The following MKLN1 variants were observed in gnomAD, a reference collection of about 807,000 sequenced individuals.
MKLN1 encodes the protein muskelin 1.
A neutral mutation model predicts 99.0 loss-of-function variants in MKLN1; 18 were observed. The observed-to-expected ratio is 0.18, with a 90% CI of 0.13 to 0.27. The LOEUF is 0.27. MKLN1 is among the 10% of genes least tolerant of loss of function. The pLI is 1.00. For missense variants in MKLN1, 621 were observed against 875.9 expected, an observed-to-expected ratio of 0.71 and a Z score of 3.67; for synonymous variants, 288 against 293.2, an observed-to-expected ratio of 0.98 and a Z score of 0.18.
At chr7:131,240,176 G>A (rs1797381175) in intron 3 of MKLN1, among the ~76,000 whole-genome samples, 1 of 152,046 alleles carries the variant, frequency 6.6e-6, no homozygotes, top group South Asian at 2.1e-4. Flanking sequence ...GCAAGATCCT[G>A]TCACAAACAA....
At chr7:131,178,921 T>C (rs1430401915) in intron 2 of MKLN1, among the ~76,000 whole-genome samples, 1 of 152,202 alleles carries the variant, frequency 6.6e-6, no homozygotes, top group East Asian at 1.9e-4. Flanking sequence ...TTTTATTCTT[T>C]CCATTTTATT....
chr7:131,233,306 G>C (rs1263037418), intron 3 of MKLN1, among the ~76,000 whole-genome samples: 1 of 151,780 alleles, frequency 6.6e-6, no homozygotes, highest in Non-Finnish European at 1.5e-5. Flanking sequence ...TCAGGAGATT[G>C]AGATTGTAGT....
intron 17 of MKLN1, 151 bp downstream of exon 17, chr7:131,478,828 C>A (rs746979837): frequency 1.2e-5 from 11 of 921,476 alleles, no homozygotes; most frequent in Non-Finnish European, 1.9e-5. Flanking sequence ...TTTCTAATAA[C>A]CTGCTACAAG....
rs1194264579 is a variant in MKLN1 at position 131,132,850 on chromosome 7, T to A, written c.-418-9970T>A. Reference sequence around the variant, plus strand: ...CTGAGGCAGGAGAATCGCTTAAACCTGGGAGGCGGAGGTTGCAGTGGACCG... The same window carrying A: ...CTGAGGCAGGAGAATCGCTTAAACCAGGGAGGCGGAGGTTGCAGTGGACCG... On this transcript the variant is annotated intron_variant, in intron 1 of 7. Transcript: ENST00000416992. Among the ~76,000 whole-genome samples, 7 of 134,680 alleles carry A rather than the reference T, an allele frequency of 5.2e-5. No homozygotes were observed. In the South Asian group the frequency reaches 7.4e-4, roughly 14 times the overall value. The allele number at this position is 134,680 out of a possible 152,430, so 88.4% of individuals were successfully genotyped here.
chr7:131,437,239 G>A (rs1360569869), intron 9 of MKLN1, among the ~76,000 whole-genome samples: 1 of 151,346 alleles, frequency 6.6e-6, no homozygotes, highest in Non-Finnish European at 1.5e-5. Context: ...CCCACCCCTC[G>A]ACAGTCCCTG....
chr7:131,232,792 T>G (rs559632581), intron 3 of MKLN1, among the ~76,000 whole-genome samples: 41 of 152,108 alleles, frequency 2.7e-4, no homozygotes, highest in Admixed American at 7.9e-4. Context: ...GAGATTGAAG[T>G]GAGCTACGAT....
At chr7:131,286,713 TA>T (rs1798137479) in intron 3 of MKLN1, among the ~76,000 whole-genome samples, 1 of 152,232 alleles carries the variant, frequency 6.6e-6, no homozygotes, top group Non-Finnish European at 1.5e-5. Flanking sequence ...TTGTTTCGAA[TA>T]AGAATGTCAT....
At chr7:131,381,421 C>T (rs1443561990) in intron 2 of MKLN1, among the ~76,000 whole-genome samples, 2 of 152,244 alleles carry the variant, frequency 1.3e-5, no homozygotes, top group South Asian at 2.1e-4. Flanking sequence ...TTTACTCTAC[C>T]AGCACAGATG....
intron 1 of MKLN1, among the ~76,000 whole-genome samples, chr7:131,135,693 T>G (rs1241981173): frequency 6.6e-6 from 1 of 152,116 alleles, no homozygotes; most frequent in African/African-American, 2.4e-5. Flanking sequence ...AGATGAAGAC[T>G]GTGAATTTGG....
chr7:131,125,189 C>T (rs904137681), intron 1 of MKLN1, among the ~76,000 whole-genome samples: 14 of 152,212 alleles, frequency 9.2e-5, no homozygotes, highest in Admixed American at 2.6e-4. Context: ...TGGAGAACTT[C>T]AGCTTATCTG....
At chr7:131,201,272 G>A (rs555489196) in intron 2 of MKLN1, among the ~76,000 whole-genome samples, 59 of 152,180 alleles carry the variant, frequency 3.9e-4, no homozygotes, top group African/African-American at 1.3e-3. Flanking sequence ...CACCTGCCTC[G>A]GCCTCCCAAA....
intron 3 of MKLN1, among the ~76,000 whole-genome samples, chr7:131,303,133 T>G (rs1798400043): frequency 6.6e-6 from 1 of 152,222 alleles, no homozygotes; most frequent in African/African-American, 2.4e-5. Context: ...GAGGAATTAT[T>G]GCCAGCTCCT....
At chr7:131,270,683 G>A (rs1306742665) in intron 3 of MKLN1, among the ~76,000 whole-genome samples, 2 of 152,122 alleles carry the variant, frequency 1.3e-5, no homozygotes, top group Non-Finnish European at 2.9e-5. Context: ...TACCTAATAT[G>A]AGCCAGACAG....
chr7:131,321,448 A>G (rs1295464135), intron 3 of MKLN1, among the ~76,000 whole-genome samples: 1 of 152,182 alleles, frequency 6.6e-6, no homozygotes, highest in African/African-American at 2.4e-5. Context: ...AAGGGAGAAC[A>G]TTAGGACAAA....
chr7:131,355,102 G>C (rs192504371), intron 1 of MKLN1, among the ~76,000 whole-genome samples: 15 of 151,964 alleles, frequency 9.9e-5, no homozygotes, highest in African/African-American at 3.4e-4. Flanking sequence ...TCACTGTTTT[G>C]TATTCTGTTC....
intron 7 of MKLN1, among the ~76,000 whole-genome samples, chr7:131,412,317 C>T (rs2116332722): frequency 6.6e-6 from 1 of 152,226 alleles, no homozygotes; most frequent in Non-Finnish European, 1.5e-5. Context: ...TAATGCCATA[C>T]ACATGTTCTT....
intron 12 of MKLN1, among the ~76,000 whole-genome samples, chr7:131,455,084 A>G (rs1796294198): frequency 6.6e-6 from 1 of 152,236 alleles, no homozygotes; most frequent in South Asian, 2.1e-4. Context: ...TAGATTCTGT[A>G]TTTCTGTGAC....
chr7:131,465,762 A>G (rs1310468296), intron 14 of MKLN1, among the ~76,000 whole-genome samples: 2 of 152,012 alleles, frequency 1.3e-5, no homozygotes, highest in African/African-American at 2.4e-5. Flanking sequence ...GATGGTCTCA[A>G]TCTCCTGACC....
chr7:131,193,690 T>C (rs1051499366), intron 2 of MKLN1, among the ~76,000 whole-genome samples: 5 of 151,932 alleles, frequency 3.3e-5, no homozygotes, highest in African/African-American at 1.2e-4. Context: ...CTAAAAATTA[T>C]TATTTTTGAG....
Sources: allele counts gnomAD v4.1 joint callset (sites outside exome capture counted in the v4.1 genomes callset), GRCh38; gene constraint gnomAD v4.1.1; transcripts MANE v1.5; gene names NCBI Gene and HGNC (gene_info 2026-07-23, HGNC 2026-07-21).